The following TC2N variants were observed in gnomAD, a reference collection of about 807,000 sequenced individuals.
TC2N encodes the protein tandem C2 domains nuclear protein.
A neutral mutation model predicts 61.9 loss-of-function variants in TC2N; 51 were observed. The ratio of observed to expected loss-of-function variants is 0.82; its 90% CI spans 0.66 to 1.04. TC2N has a LOEUF of 1.04. Among genes scored for constraint, TC2N ranks in the 50% least tolerant of loss-of-function variants. TC2N has a pLI of 0.00. For synonymous variants in TC2N, 204 were observed against 192.6 expected (o/e 1.06, Z -0.49); for missense variants, 556 against 566.7 (o/e 0.98, Z 0.19).
chr14:91,863,474 T>C (rs899839021), intron 1 of TC2N, among the ~76,000 whole-genome samples: 4 of 152,202 alleles, frequency 2.6e-5, no homozygotes, highest in African/African-American at 9.6e-5. Context: ...AGCAAAATTG[T>C]AAATCGATAT....
At chr14:91,807,884 T>C (rs978607050) in intron 3 of TC2N, among the ~76,000 whole-genome samples, 3 of 152,186 alleles carry the variant, frequency 2.0e-5, no homozygotes, top group Admixed American at 6.5e-5. Context: ...GTAGCTCCCC[T>C]AATTCCCACA....
intron 1 of TC2N, among the ~76,000 whole-genome samples, chr14:91,840,877 G>A (rs1263203190): frequency 6.6e-6 from 1 of 152,076 alleles, no homozygotes; most frequent in African/African-American, 2.4e-5. Flanking sequence ...GGTCACAGAT[G>A]CTCCACCAGG....
Position 91,866,570 on chromosome 14 carries a change from G to T in TC2N, c.-57+692C>A, listed in dbSNP as rs536044343. The stretch of plus-strand genomic sequence containing the variant: ...TGGTAACACGAGAGCTTTTGCAGGC[G>T]TCCCTACTCTTAATCCTGCGCCCCT... On this transcript the variant is annotated intron_variant, in intron 1 of 11. Transcript: ENST00000435962. The T allele has an allele frequency of 2.6e-5, 4 of 152,318 alleles. No individual in the cohort carries two copies. In the East Asian group the frequency reaches 5.8e-4, roughly 22 times the overall value. The allele number at this position is 152,318 out of a possible 1,614,324, so 9.4% of individuals were successfully genotyped here.
chr14:91,838,654 T>C (rs1206432220), intron 1 of TC2N, among the ~76,000 whole-genome samples: 3 of 152,242 alleles, frequency 2.0e-5, no homozygotes, highest in Non-Finnish European at 4.4e-5. Context: ...TGATGCTTGG[T>C]TCCTTAAATG....
At chr14:91,835,533 A>G (rs1887958996) in intron 1 of TC2N, among the ~76,000 whole-genome samples, 1 of 152,220 alleles carries the variant, frequency 6.6e-6, no homozygotes, top group South Asian at 2.1e-4. Context: ...AAAGAAATCA[A>G]TGGTTTTGGC....
chr14:91,807,903 G>A (rs936702256), intron 3 of TC2N, among the ~76,000 whole-genome samples: 5 of 152,174 alleles, frequency 3.3e-5, no homozygotes, highest in African/African-American at 1.2e-4. Context: ...CATGTTGTGG[G>A]AGACACCTGG....
intron 1 of TC2N, among the ~76,000 whole-genome samples, chr14:91,860,875 G>A (rs1030882577): frequency 1.2e-4 from 18 of 152,204 alleles, no homozygotes; most frequent in Admixed American, 9.8e-4. Flanking sequence ...TGTAATCTGC[G>A]AATCTGTGAA....
Position 91,780,800 on chromosome 14 carries a change from T to C in TC2N, c.*2300A>G, listed in dbSNP as rs1885073433. ...ACGTTTTTCTCACAATATGCATACC[T>C]ATTAGCAGGAGATTGGATTTTTATT... On this transcript the variant is annotated 3_prime_UTR_variant, in exon 12 of 12. Transcript: ENST00000435962. 6.6e-6 allele frequency: 1 copy of C among 152,172 alleles called. No individual in the cohort carries two copies. Among genetic ancestry groups the C allele is most frequent in the African/African-American group, 2.4e-5 (1 of 41,438 alleles). The allele number at this position is 152,172 out of a possible 1,614,324, so 9.4% of individuals were successfully genotyped here.
chr14:91,858,917 C>T (rs1401001483), intron 1 of TC2N, among the ~76,000 whole-genome samples: 1 of 152,162 alleles, frequency 6.6e-6, no homozygotes, highest in Non-Finnish European at 1.5e-5. Context: ...GTTTCTGATC[C>T]TTTAATAGCC....
chr14:91,787,039 C>T (rs1885400087), intron 10 of TC2N, among the ~76,000 whole-genome samples: 2 of 152,172 alleles, frequency 1.3e-5, no homozygotes, highest in Non-Finnish European at 2.9e-5. Context: ...CACTTCTGCC[C>T]ACTCAAATCT....
chr14:91,855,711 T>C (rs1351722711), intron 1 of TC2N, among the ~76,000 whole-genome samples: 1 of 152,238 alleles, frequency 6.6e-6, no homozygotes, highest in African/African-American at 2.4e-5. Flanking sequence ...TTTTTGTTTT[T>C]ATGGAAATTG....
At chr14:91,841,975 CCTTT>C (rs1005565223) in intron 1 of TC2N, among the ~76,000 whole-genome samples, 2 of 70,228 alleles carry the variant, frequency 2.8e-5, no homozygotes, top group African/African-American at 8.4e-5. Context: ...TTCCCTTCCA[CCTTT>C]TTTTTTTTTT....
At chr14:91,865,459 C>T (rs1404797953) in intron 1 of TC2N, among the ~76,000 whole-genome samples, 2 of 147,552 alleles carry the variant, frequency 1.4e-5, no homozygotes, top group East Asian at 4.0e-4. Flanking sequence ...AGTAACAGGA[C>T]TAAGAAATTT....
chr14:91,814,706 G>A (rs1179727133), intron 1 of TC2N, among the ~76,000 whole-genome samples: 8 of 151,722 alleles, frequency 5.3e-5, no homozygotes, highest in South Asian at 4.1e-4. Context: ...TTGAGATAGA[G>A]AAGCAGAGTG....
At chr14:91,786,981 C>T (rs1199738740) in intron 10 of TC2N, among the ~76,000 whole-genome samples, 2 of 152,090 alleles carry the variant, frequency 1.3e-5, no homozygotes, top group South Asian at 2.1e-4. Flanking sequence ...ACATGCATTG[C>T]TTTTGCCTGC....
chr14:91,812,291 T>C (rs1180977956), intron 3 of TC2N, 21 bp downstream of exon 3: 4 of 1,361,328 alleles, frequency 2.9e-6, no homozygotes, highest in Non-Finnish European at 4.0e-6. Context: ...GATTTTTAAA[T>C]ACTGCTATTT....
chr14:91,826,111 G>A (rs1374410982), intron 1 of TC2N, among the ~76,000 whole-genome samples: 4 of 151,958 alleles, frequency 2.6e-5, no homozygotes, highest in Non-Finnish European at 5.9e-5. Flanking sequence ...TTGAGTCCAG[G>A]AGTTCAAGAC....
At chr14:91,802,516 T>C (rs1368811743) in intron 3 of TC2N, 95 bp from the exon 4 acceptor site, 6 of 1,072,482 alleles carry the variant, frequency 5.6e-6, no homozygotes, top group Non-Finnish European at 8.1e-6. Flanking sequence ...AAATATTTTG[T>C]CTCAAGTAAT....
intron 1 of TC2N, among the ~76,000 whole-genome samples, chr14:91,853,123 T>C (rs1349295299): frequency 6.6e-6 from 1 of 151,966 alleles, no homozygotes; most frequent in Non-Finnish European, 1.5e-5. Flanking sequence ...ATGGCTGTTA[T>C]TAAACATTTG....
Sources: allele counts gnomAD v4.1 joint callset (sites outside exome capture counted in the v4.1 genomes callset), GRCh38; gene constraint gnomAD v4.1.1; transcripts MANE v1.5; gene names NCBI Gene and HGNC (gene_info 2026-07-23, HGNC 2026-07-21).